XPO5: variants seen among roughly 807,000 people sequenced by gnomAD.
The protein encoded by XPO5 is exportin-5.
A neutral mutation model predicts 160.6 loss-of-function variants in XPO5; 46 were observed. That is an observed-to-expected ratio of 0.29 (90% CI 0.23 to 0.37). XPO5 has a LOEUF of 0.37. Among genes scored for constraint, XPO5 ranks in the 10% least tolerant of loss-of-function variants. The pLI, the probability that XPO5 is intolerant of heterozygous loss-of-function variation, is 1.00. For missense variants in XPO5, 1,090 were observed against 1,463.9 expected, an observed-to-expected ratio of 0.74 and a Z score of 4.17; for synonymous variants, 537 against 519.3, an observed-to-expected ratio of 1.03 and a Z score of -0.46.
chr6:43,554,442 T>C (rs1231461412), intron 13 of XPO5, among the ~76,000 whole-genome samples: 1 of 150,318 alleles, frequency 6.7e-6, no homozygotes, highest in Non-Finnish European at 1.5e-5. Flanking sequence ...TTTTTCTTTT[T>C]TGAGATGGAG....
In XPO5 at chr6:43,522,849, T is replaced by C. The variant is rs541215506; in HGVS notation, c.*1019A>G. ...AGGTCCCGTATCCATGTCCTCTCTT[T>C]ACAGGGCCTTTCAGTGACCTCTAGA... On this transcript the variant is annotated 3_prime_UTR_variant, in exon 32 of 32. Coordinates refer to ENST00000265351, the MANE Select transcript of XPO5 (RefSeq NM_020750.3). 1.1e-4 allele frequency: 31 copies of C among 274,270 alleles called. 2 individuals carry two copies. The highest frequency in any genetic ancestry group is 6.3e-4 in the African/African-American group (28 of 44,516). The allele number at this position is 274,270 out of a possible 1,614,324, so 17.0% of individuals were successfully genotyped here. A position where few individuals can be genotyped will look rare whatever the true frequency, so the allele number is the denominator to read the frequency against.
intron 23 of XPO5, 145 bp downstream of exon 23, chr6:43,530,543 G>A: frequency 1.0e-6 from 1 of 987,972 alleles, no homozygotes; most frequent in Non-Finnish European, 1.4e-6. Context: ...ATCTGCCAGT[G>A]TTTTTAATGA....
At chr6:43,525,769 A>G in intron 28 of XPO5, 70 bp downstream of exon 28, 1 of 1,521,146 alleles carries the variant, frequency 6.6e-7, no homozygotes, top group Non-Finnish European at 9.0e-7. Flanking sequence ...AGCACCATAG[A>G]GCAAGAAAAG....
chr6:43,566,703 G>A (rs754107852), intron 7 of XPO5: 5 of 308,344 alleles, frequency 1.6e-5, no homozygotes, highest in Non-Finnish European at 2.8e-5. Flanking sequence ...CTAGCTACTC[G>A]GGAAGCTGAG....
chr6:43,524,410 T>G (rs1793410905), intron 31 of XPO5, 61 bp downstream of exon 31: 2 of 1,558,160 alleles, frequency 1.3e-6, no homozygotes, highest in Non-Finnish European at 1.7e-6. Flanking sequence ...TGGTTTATGG[T>G]TTGCCCATAC....
chr6:43,566,946 G>T (rs1427068872), intron 7 of XPO5, among the ~76,000 whole-genome samples: 2 of 151,886 alleles, frequency 1.3e-5, no homozygotes, highest in Non-Finnish European at 2.9e-5. Context: ...CAAGTATCAT[G>T]GCTATTTCAA....
intron 13 of XPO5, among the ~76,000 whole-genome samples, chr6:43,554,292 T>A (rs1190697662): frequency 6.6e-6 from 1 of 151,782 alleles, no homozygotes; most frequent in Non-Finnish European, 1.5e-5. Context: ...TTTTTTTTTT[T>A]AGTAGAGACG....
At chr6:43,560,825 T>G (rs1196416482) in intron 10 of XPO5, 99 bp downstream of exon 10, 1 of 1,024,694 alleles carries the variant, frequency 9.8e-7, no homozygotes, top group Non-Finnish European at 1.5e-6. Context: ...GCCTGAAGAG[T>G]CACATTTTAT....
chr6:43,526,612 A>G, intron 27 of XPO5, 73 bp downstream of exon 27: 2 of 1,563,694 alleles, frequency 1.3e-6, no homozygotes, highest in Admixed American at 3.5e-5. Flanking sequence ...CTGCAAGGAA[A>G]CTGACCTGGT....
At chr6:43,569,572 A>G (rs1377012104) in intron 5 of XPO5, among the ~76,000 whole-genome samples, 1 of 151,866 alleles carries the variant, frequency 6.6e-6, no homozygotes. Context: ...CATCTCTACT[A>G]AAATACAAAA....
chr6:43,563,750 T>A (rs1179992761), intron 8 of XPO5, among the ~76,000 whole-genome samples: 2 of 152,084 alleles, frequency 1.3e-5, no homozygotes, highest in South Asian at 2.1e-4. Flanking sequence ...AGTAAAAATA[T>A]GGTATAAATG....
intron 22 of XPO5, among the ~76,000 whole-genome samples, chr6:43,531,270 G>A (rs1329087723): frequency 1.3e-5 from 2 of 152,188 alleles, no homozygotes; most frequent in Non-Finnish European, 2.9e-5. Context: ...CATGAAGCAG[G>A]CTGGGATTGT....
rs1468235558 is a variant in XPO5 at position 43,575,972 on chromosome 6, G to A, written c.-108C>T. 9.9e-6 allele frequency: 11 copies of A among 1,106,386 alleles called. No homozygotes were observed. The South Asian group carries it at 1.5e-4, about 15-fold the overall frequency. 68.5% of individuals were successfully genotyped at this position (1,106,386 alleles called of 1,614,324 possible). ...TTGGTACCGGGCCGCGGCGGGCGGC[G>A]GGGGTGGGAAGCTGGAGGAGGAGCG... is the stretch of plus-strand genomic sequence containing the variant. On this transcript the variant is annotated 5_prime_UTR_variant, in exon 1 of 32. Coordinates refer to ENST00000265351, the MANE Select transcript of XPO5 (RefSeq NM_020750.3).
At chr6:43,561,065 A>T (rs533110755) in intron 9 of XPO5, 58 bp from the exon 10 acceptor site, 2 of 1,362,574 alleles carry the variant, frequency 1.5e-6, no homozygotes, top group African/African-American at 2.9e-5. Context: ...GAGAGGAAAA[A>T]GCAGGGAAGT....
chr6:43,572,413 A>C, intron 3 of XPO5, 93 bp downstream of exon 3: 1 of 1,223,382 alleles, frequency 8.2e-7, no homozygotes, highest in Admixed American at 1.7e-5. Flanking sequence ...ACCTATTTAG[A>C]AGCAGTGAAT....
chr6:43,553,804 C>G (rs1467201906), intron 13 of XPO5: 4 of 238,370 alleles, frequency 1.7e-5, no homozygotes, highest in African/African-American at 9.0e-5. Context: ...TGAGAATACG[C>G]AGGTGAACAT....
intron 19 of XPO5, among the ~76,000 whole-genome samples, chr6:43,546,988 C>G (rs1440668152): frequency 6.6e-6 from 1 of 152,134 alleles, no homozygotes; most frequent in African/African-American, 2.4e-5. Flanking sequence ...TTGCAGTAAG[C>G]TGTCTTTCTA....
intron 14 of XPO5, among the ~76,000 whole-genome samples, chr6:43,552,541 C>T (rs1208335635): frequency 6.6e-6 from 1 of 152,048 alleles, no homozygotes; most frequent in Non-Finnish European, 1.5e-5. Flanking sequence ...TTAGTAGAGA[C>T]AAGGTTTCAC....
In XPO5 at chr6:43,525,102, C is replaced by G; in HGVS notation, c.3174+5G>C. 1 of 1,571,310 alleles carries G rather than the reference C, an allele frequency of 6.4e-7. No homozygotes were observed. Among genetic ancestry groups the G allele is most frequent in the Non-Finnish European group, 8.6e-7 (1 of 1,157,740 alleles). On this transcript the variant is annotated splice_donor_5th_base_variant and intron_variant, in intron 29 of 31. Coordinates refer to ENST00000265351, the MANE Select transcript of XPO5 (RefSeq NM_020750.3). The stretch of plus-strand genomic sequence containing the variant: ...GGGGCAGGGAAAAGGGGTGAATAAC[C>G]ATACTTGTTTGAGGAGAGGCCAGCA...
Sources: gnomAD v4.1 joint callset for allele counts (sites outside exome capture counted in the v4.1 genomes callset) on GRCh38, gnomAD v4.1.1 for gene constraint, MANE v1.5 for transcripts, NCBI Gene and HGNC (gene_info 2026-07-23, HGNC 2026-07-21) for gene names.